The following PTPRR variants were observed in gnomAD, a reference collection of about 807,000 sequenced individuals.
The protein encoded by PTPRR is receptor-type tyrosine-protein phosphatase R.
PTPRR carries 38 observed loss-of-function variants against 77.2 expected under a neutral mutation model. The ratio of observed to expected loss-of-function variants is 0.49; its 90% CI spans 0.38 to 0.65. The LOEUF (loss-of-function observed/expected upper bound fraction) is 0.65, where lower values mean the gene tolerates loss of function less well. Among genes scored for constraint, PTPRR ranks in the 30% least tolerant of loss-of-function variants. The pLI, the probability that PTPRR is intolerant of heterozygous loss-of-function variation, is 0.00. For synonymous variants in PTPRR, 299 were observed against 283.1 expected, an observed-to-expected ratio of 1.06 and a Z score of -0.57; for missense variants, 744 against 799.2, an observed-to-expected ratio of 0.93 and a Z score of 0.83.
At chr12:70,846,467 AC>A (rs1838155027) in intron 2 of PTPRR, among the ~76,000 whole-genome samples, 1 of 152,184 alleles carries the variant, frequency 6.6e-6, no homozygotes, top group Non-Finnish European at 1.5e-5. Context: ...TATATTAGTT[AC>A]GAAGAAGAAA....
At chr12:70,649,681 TCTC>T (rs968244869) in intron 13 of PTPRR, among the ~76,000 whole-genome samples, 4 of 152,186 alleles carry the variant, frequency 2.6e-5, no homozygotes, top group Admixed American at 6.5e-5. Context: ...TTCCAGCAAT[TCTC>T]CTGCCTCAGC....
chr12:70,858,369 AG>A (rs1370861193), intron 2 of PTPRR, among the ~76,000 whole-genome samples: 6 of 152,078 alleles, frequency 3.9e-5, no homozygotes, highest in African/African-American at 1.4e-4. Flanking sequence ...GGATAGATGC[AG>A]AAGTTTTAAA....
intron 2 of PTPRR, among the ~76,000 whole-genome samples, chr12:70,827,393 T>C (rs564356617): frequency 3.9e-5 from 6 of 152,272 alleles, no homozygotes; most frequent in African/African-American, 1.2e-4. Flanking sequence ...TTCTGGAAGC[T>C]GGAAGATCTA....
chr12:70,757,928 C>A (rs1274551365), intron 4 of PTPRR, among the ~76,000 whole-genome samples: 1 of 152,104 alleles, frequency 6.6e-6, no homozygotes, highest in Non-Finnish European at 1.5e-5. Context: ...CAGTTTTAAG[C>A]AACTATCAAT....
intron 2 of PTPRR, among the ~76,000 whole-genome samples, chr12:70,789,704 G>A (rs1025205923): frequency 6.6e-6 from 1 of 152,078 alleles, no homozygotes; most frequent in African/African-American, 2.4e-5. Context: ...TAGAAAAAGG[G>A]TAGTTGAAAC....
chr12:70,787,130 T>TG (rs1312854849), intron 2 of PTPRR, among the ~76,000 whole-genome samples: 1 of 152,226 alleles, frequency 6.6e-6, no homozygotes, highest in Non-Finnish European at 1.5e-5. Flanking sequence ...AACATGACTC[T>TG]GCCTATTTCA....
intron 2 of PTPRR, among the ~76,000 whole-genome samples, chr12:70,794,680 T>C (rs1365612371): frequency 1.3e-5 from 2 of 152,160 alleles, no homozygotes; most frequent in African/African-American, 4.8e-5. Flanking sequence ...CGACAGCTGA[T>C]CAATACACAT....
At chr12:70,727,931 A>G (rs1478459161) in intron 6 of PTPRR, among the ~76,000 whole-genome samples, 2 of 152,336 alleles carry the variant, frequency 1.3e-5, no homozygotes, top group African/African-American at 4.8e-5. Flanking sequence ...AAAGAAAATA[A>G]GATCATACCT....
intron 2 of PTPRR, among the ~76,000 whole-genome samples, chr12:70,816,282 T>G (rs1891901014): frequency 6.6e-6 from 1 of 152,056 alleles, no homozygotes; most frequent in South Asian, 2.1e-4. Context: ...TAGGAGTATA[T>G]GCAAATATGA....
At chr12:70,899,265 TA>T (rs1053406387) in intron 1 of PTPRR, among the ~76,000 whole-genome samples, 4 of 149,296 alleles carry the variant, frequency 2.7e-5, no homozygotes, top group African/African-American at 4.9e-5. Context: ...GAGACAATCC[TA>T]AAAAAAAACA....
chr12:70,702,164 C>T (rs1888451196), intron 6 of PTPRR, among the ~76,000 whole-genome samples: 1 of 152,030 alleles, frequency 6.6e-6, no homozygotes, highest in Admixed American at 6.6e-5. Context: ...CTCATAATTC[C>T]CCTTTTCCCG....
At chr12:70,906,326 T>C (rs1893621376) in intron 1 of PTPRR, among the ~76,000 whole-genome samples, 1 of 152,000 alleles carries the variant, frequency 6.6e-6, no homozygotes, top group Non-Finnish European at 1.5e-5. Flanking sequence ...TTTTGCATGG[T>C]CCTGATTTTT....
At chr12:70,859,319 T>C (rs560833661) in intron 2 of PTPRR, among the ~76,000 whole-genome samples, 20 of 152,188 alleles carry the variant, frequency 1.3e-4, no homozygotes, top group African/African-American at 4.1e-4. Flanking sequence ...ATTATTCCCC[T>C]TCATCTGAGT....
At chr12:70,781,504 T>G (rs576651920) in intron 2 of PTPRR, among the ~76,000 whole-genome samples, 1 of 152,342 alleles carries the variant, frequency 6.6e-6, no homozygotes, top group East Asian at 1.9e-4. Flanking sequence ...CATGTGATCC[T>G]CACTGCAACT....
intron 13 of PTPRR, among the ~76,000 whole-genome samples, chr12:70,654,645 C>T (rs1295646506): frequency 6.6e-6 from 1 of 152,222 alleles, no homozygotes; most frequent in Non-Finnish European, 1.5e-5. Context: ...TTTATTACTT[C>T]ACAGCATTTA....
At chr12:70,791,294 C>A (rs1891417979) in intron 2 of PTPRR, among the ~76,000 whole-genome samples, 1 of 152,170 alleles carries the variant, frequency 6.6e-6, no homozygotes, top group South Asian at 2.1e-4. Flanking sequence ...TTCAAACACA[C>A]CAAGCCCCCG....
chr12:70,919,071 G>T (rs1893815012), intron 1 of PTPRR, among the ~76,000 whole-genome samples: 1 of 152,132 alleles, frequency 6.6e-6, no homozygotes, highest in Admixed American at 6.5e-5. Flanking sequence ...TTGCTCAAAA[G>T]ATTCATGATA....
intron 8 of PTPRR, 26 bp from the exon 9 acceptor site, chr12:70,684,809 T>C (rs780385815): frequency 3.3e-6 from 5 of 1,508,046 alleles, no homozygotes; most frequent in Admixed American, 1.9e-5. Context: ...AAAAAGAATA[T>C]ATTAAACAGA....
At chr12:70,797,520 C>A (rs533880796) in intron 2 of PTPRR, among the ~76,000 whole-genome samples, 1 of 152,274 alleles carries the variant, frequency 6.6e-6, no homozygotes, top group African/African-American at 2.4e-5. Flanking sequence ...TATTTTCAAG[C>A]AAATCATCTA....
Sources: allele counts gnomAD v4.1 joint callset (sites outside exome capture counted in the v4.1 genomes callset), GRCh38; gene constraint gnomAD v4.1.1; transcripts MANE v1.5; gene names NCBI Gene and HGNC (gene_info 2026-07-23, HGNC 2026-07-21).